TXNRD1: variants seen among roughly 807,000 people sequenced by gnomAD.
The protein encoded by TXNRD1 is thioredoxin reductase 1, cytoplasmic.
TXNRD1 carries 57 observed loss-of-function variants against 80.3 expected under a neutral mutation model. The observed-to-expected ratio is 0.71, with a 90% CI of 0.57 to 0.89. The LOEUF (loss-of-function observed/expected upper bound fraction) is 0.89, where lower values mean the gene tolerates loss of function less well. Ranked by LOEUF, TXNRD1 falls within the 40% of genes least tolerant of loss-of-function variation. The probability of loss-of-function intolerance (pLI) is 0.00; values close to 1 mark genes in which losing one functional copy is unlikely to be tolerated. For missense variants in TXNRD1, 730 were observed against 803.0 expected, an observed-to-expected ratio of 0.91 and a Z score of 1.10; for synonymous variants, 291 against 285.2, an observed-to-expected ratio of 1.02 and a Z score of -0.20.
At position 104,215,933 on chromosome 12, in the gene TXNRD1, G is replaced by A. The variant is rs371456533; in HGVS notation, c.91+40G>A. ...GAAGGCCTGGTCCCCAGGTCGACGG[G>A]CCGAAGCGGGCCTTCCGGCCGGGGT... On this transcript the variant is annotated intron_variant, in intron 1 of 16. Transcript: ENST00000525566. The A allele has an allele frequency of 1.1e-4, 170 of 1,503,234 alleles. 2 individuals are homozygous for A. Among genetic ancestry groups the A allele is most frequent in the Admixed American group, 9.3e-4 (46 of 49,300 alleles). 93.1% of individuals were successfully genotyped at this position (1,503,234 alleles called of 1,614,324 possible). A position where few individuals can be genotyped will look rare whatever the true frequency, so the allele number is the denominator to read the frequency against.
intron 3 of TXNRD1, 97 bp downstream of exon 3, chr12:104,258,176 T>C: frequency 3.2e-6 from 3 of 941,438 alleles, no homozygotes; most frequent in Non-Finnish European, 4.8e-6. Flanking sequence ...GAGGTTTTTA[T>C]TGTTTAGTGA....
intron 1 of TXNRD1, among the ~76,000 whole-genome samples, chr12:104,217,618 C>T (rs2032246823): frequency 1.3e-5 from 2 of 152,090 alleles, no homozygotes; most frequent in South Asian, 4.1e-4. Flanking sequence ...CTGACCCTAA[C>T]CGTTTTTAAG....
At chr12:104,254,630 GAAA>G (rs760022093) in intron 2 of TXNRD1, among the ~76,000 whole-genome samples, 4 of 17,294 alleles carry the variant, frequency 2.3e-4, no homozygotes, top group South Asian at 2.9e-3. Flanking sequence ...TATGTCTATG[GAAA>G]AAAAAAAAAA....
At position 104,319,578 on chromosome 12, in the gene TXNRD1, A is replaced by G. The variant is rs960636786; in HGVS notation, c.982A>G (p.Ile328Val). Residue 328 changes from isoleucine to valine, a missense_variant, in exon 9 of 17, where the codon ATC becomes GTC. Ile to Val is a conservative substitution (Grantham distance 29, BLOSUM62 3). Coordinates refer to ENST00000525566, the MANE Select transcript of TXNRD1 (RefSeq NM_001093771.3). ...CATCCCTGGTGACAAAGAATACTGCATCAGCAGGTAAAGGAAAAAAGCAGG... is the reference window on the plus strand; with the variant it reads ...CATCCCTGGTGACAAAGAATACTGCGTCAGCAGGTAAAGGAAAAAAGCAGG... ...LGIPGDKEYCISSDDLFSLPY... is the reference protein window; with the variant it reads ...LGIPGDKEYCVSSDDLFSLPY... 6.3e-7 allele frequency: 1 copy of G among 1,594,116 alleles called. No individual in the cohort carries two copies. Among genetic ancestry groups the G allele is most frequent in the Admixed American group, 1.8e-5 (1 of 56,762 alleles).
intron 1 of TXNRD1, among the ~76,000 whole-genome samples, chr12:104,239,569 T>C (rs374769319): frequency 6.6e-6 from 1 of 152,012 alleles, no homozygotes. Context: ...TTCCTTTTTT[T>C]TCCCTAGACT....
At chr12:104,273,121 C>G (rs1275262410) in intron 3 of TXNRD1, among the ~76,000 whole-genome samples, 1 of 152,204 alleles carries the variant, frequency 6.6e-6, no homozygotes, top group Admixed American at 6.5e-5. Context: ...GAGGAATAAG[C>G]AGACCTACAG....
chr12:104,235,208 T>G (rs1433551391), intron 1 of TXNRD1, among the ~76,000 whole-genome samples: 1 of 152,238 alleles, frequency 6.6e-6, no homozygotes, highest in African/African-American at 2.4e-5. Context: ...TCCTTGCTAC[T>G]GTGTCCGATC....
At chr12:104,222,214 A>C (rs2032371899) in intron 1 of TXNRD1, among the ~76,000 whole-genome samples, 1 of 152,192 alleles carries the variant, frequency 6.6e-6, no homozygotes, top group Non-Finnish European at 1.5e-5. Context: ...CACACATTTA[A>C]AAAATGAGAA....
At chr12:104,330,377 A>G (rs2035908140) in intron 13 of TXNRD1, among the ~76,000 whole-genome samples, 1 of 152,198 alleles carries the variant, frequency 6.6e-6, no homozygotes, top group South Asian at 2.1e-4. Flanking sequence ...AGAGGAACTC[A>G]TTTATTTGCT....
intron 1 of TXNRD1, among the ~76,000 whole-genome samples, chr12:104,226,560 G>A (rs2032478469): frequency 6.6e-6 from 1 of 152,174 alleles, no homozygotes; most frequent in African/African-American, 2.4e-5. Flanking sequence ...GTCATTTGAG[G>A]CAAAGTGGAA....
rs1293631941 is a variant in TXNRD1 at position 104,215,910 on chromosome 12, A to T, written c.91+17A>T. On this transcript the variant is annotated intron_variant, in intron 1 of 16. Transcript: ENST00000525566. ...GTAGGTCAGGTACGACCGAGGGCGA[A>T]GGCCTGGTCCCCAGGTCGACGGGCC... is the stretch of plus-strand genomic sequence containing the variant. The T allele has an allele frequency of 6.5e-7, 1 of 1,545,042 alleles. No homozygotes were observed.
intron 2 of TXNRD1, among the ~76,000 whole-genome samples, chr12:104,254,288 T>G (rs141787618): frequency 1.5e-4 from 23 of 152,284 alleles, no homozygotes; most frequent in African/African-American, 4.8e-4. Context: ...ATAAAAGAAC[T>G]ACTTGCATTT....
At chr12:104,329,173 A>G (rs1489072613) in intron 13 of TXNRD1, among the ~76,000 whole-genome samples, 1 of 152,226 alleles carries the variant, frequency 6.6e-6, no homozygotes, top group East Asian at 1.9e-4. Context: ...TCGTATTACT[A>G]TTTAGAATAA....
chr12:104,221,186 G>A (rs1329211841), intron 1 of TXNRD1, among the ~76,000 whole-genome samples: 3 of 152,076 alleles, frequency 2.0e-5, no homozygotes, highest in East Asian at 1.9e-4. Context: ...TCGCATGAGC[G>A]TGGGAGGTCG....
rs1323229492 is a variant in TXNRD1, at chr12:104,349,398, A to C, written c.*977A>C. The C allele has an allele frequency of 6.6e-6, 1 of 152,650 alleles. No individual in the cohort carries two copies. Among genetic ancestry groups the C allele is most frequent in the Admixed American group, 6.5e-5 (1 of 15,284 alleles). 9.5% of individuals were successfully genotyped at this position (152,650 alleles called of 1,614,324 possible). A position where few individuals can be genotyped will look rare whatever the true frequency, so the allele number is the denominator to read the frequency against. On this transcript the variant is annotated 3_prime_UTR_variant, in exon 17 of 17. Transcript: ENST00000525566. ...CTAAGACTACATTAGTAGGAAAATA[A>C]GTCTTTTCATGCTTATGATTTAGCT...
intron 3 of TXNRD1, among the ~76,000 whole-genome samples, chr12:104,267,177 A>ATAT (rs61375668): frequency 1.7e-4 from 23 of 133,650 alleles, no homozygotes; most frequent in African/African-American, 6.1e-4. Flanking sequence ...AAAAAAAAAA[A>ATAT]AAATAATATA....
chr12:104,334,302 T>C lies in TXNRD1; in HGVS notation c.1716T>C (p.Tyr572=), dbSNP rs1332724346. The change falls in exon 15 of 17, where the codon TAT becomes TAC. Residue 572 remains tyrosine, a synonymous_variant. Coordinates refer to ENST00000525566, the MANE Select transcript of TXNRD1 (RefSeq NM_001093771.3). ...TIPSRDNNKC[Y]AKIICNTKDN... ...CGTCAAGAGATAACAACAAATGTTA[T>C]GCAAAAATAATCTGTAATACTAAAG... is the stretch of plus-strand genomic sequence containing the variant. The C allele has an allele frequency of 6.5e-7, 1 of 1,531,070 alleles. No homozygotes were observed. Among genetic ancestry groups the C allele is most frequent in the Non-Finnish European group, 8.8e-7 (1 of 1,135,000 alleles). The allele number at this position is 1,531,070 out of a possible 1,614,324, so 94.8% of individuals were successfully genotyped here.
chr12:104,320,901 C>T (rs2035504264), intron 9 of TXNRD1, among the ~76,000 whole-genome samples, 190 bp from the exon 10 acceptor site: 1 of 152,152 alleles, frequency 6.6e-6, no homozygotes, highest in Admixed American at 6.5e-5. Flanking sequence ...ACTCCCAAAG[C>T]AACTGAGTGG....
intron 4 of TXNRD1, chr12:104,309,844 T>G (rs1437363085): frequency 6.5e-7 from 1 of 1,535,400 alleles, no homozygotes; most frequent in African/African-American, 1.4e-5. Flanking sequence ...CTAGACCTTT[T>G]GTGCAGACTG....
Sources: gnomAD v4.1 joint callset for allele counts (sites outside exome capture counted in the v4.1 genomes callset) on GRCh38, gnomAD v4.1.1 for gene constraint, MANE v1.5 for transcripts, NCBI Gene and HGNC (gene_info 2026-07-23, HGNC 2026-07-21) for gene names.